The following RANBP2 variants were observed in gnomAD, a reference collection of about 807,000 sequenced individuals.
RANBP2 encodes E3 SUMO-protein ligase RanBP2.
In RANBP2, 57 loss-of-function variants were observed where a neutral mutation model predicts 303.6. The observed-to-expected ratio is 0.19, with a 90% confidence interval of 0.15 to 0.23. The LOEUF is 0.23. Ranked by LOEUF, RANBP2 falls within the 10% of genes least tolerant of loss-of-function variation. RANBP2 has a pLI of 1.00. For synonymous variants in RANBP2, 1,167 were observed against 1,301.5 expected, an observed-to-expected ratio of 0.90 and a Z score of 2.23; for missense variants, 3,138 against 3,780.8, an observed-to-expected ratio of 0.83 and a Z score of 4.46.
the RANBP2 span, among the ~76,000 whole-genome samples, chr2:109,180,783 C>T: frequency 6.6e-6 from 1 of 152,150 alleles, no homozygotes; most frequent in African/African-American, 2.4e-5. Flanking sequence ...GTAAATTGCC[C>T]AGTCTCTGGT....
At chr2:109,296,730 G>A in the RANBP2 span, among the ~76,000 whole-genome samples, 1 of 152,182 alleles carries the variant, frequency 6.6e-6, no homozygotes, top group East Asian at 1.9e-4. Flanking sequence ...TGTGAGGTGA[G>A]GGGAGTGCAG....
chr2:109,271,488 G>A, the RANBP2 span, among the ~76,000 whole-genome samples: 6 of 152,298 alleles, frequency 3.9e-5, no homozygotes, highest in African/African-American at 1.2e-4. Context: ...GTAAATCAAC[G>A]TGAGACTTTG....
At chr2:109,613,096 T>G in the RANBP2 span, 456 of 959,030 alleles carry the variant, frequency 4.8e-4, no homozygotes, top group Non-Finnish European at 6.1e-4. Context: ...CAAACGGCGG[T>G]GAGATCACTC....
chr2:109,062,472 A>T, the RANBP2 span, among the ~76,000 whole-genome samples: 1 of 152,060 alleles, frequency 6.6e-6, no homozygotes, highest in African/African-American at 2.4e-5. Context: ...AAAGTGCATG[A>T]TCTTGTGTGT....
chr2:109,076,320 ATAAC>A, the RANBP2 span, among the ~76,000 whole-genome samples: 1 of 150,884 alleles, frequency 6.6e-6, no homozygotes, highest in Non-Finnish European at 1.5e-5. Flanking sequence ...GGAAAAGTCT[ATAAC>A]TAACATCATA....
At chr2:108,772,367 GAT>G in intron 21 of RANBP2, 120 bp from the exon 22 acceptor site, 1 of 708,264 alleles carries the variant, frequency 1.4e-6, no homozygotes, top group Middle Eastern at 2.5e-4. Context: ...AGGTATTAAA[GAT>G]ATAAAATTGG....
At chr2:109,565,697 G>A in the RANBP2 span, 1 of 1,296,308 alleles carries the variant, frequency 7.7e-7, no homozygotes, top group East Asian at 2.3e-5. Context: ...CCCAAAGAAG[G>A]CATGACAGGT....
the RANBP2 span, among the ~76,000 whole-genome samples, chr2:109,356,026 G>A: frequency 1.3e-5 from 2 of 152,180 alleles, no homozygotes; most frequent in African/African-American, 4.8e-5. Context: ...TATGCTGGTA[G>A]CCCTAACATG....
the RANBP2 span, among the ~76,000 whole-genome samples, chr2:109,650,962 G>C: frequency 6.6e-6 from 1 of 152,162 alleles, no homozygotes; most frequent in Non-Finnish European, 1.5e-5. Flanking sequence ...TTGAGGGACA[G>C]TCCCCAGTGG....
the RANBP2 span, among the ~76,000 whole-genome samples, chr2:109,056,944 G>C: frequency 6.6e-6 from 1 of 152,320 alleles, no homozygotes; most frequent in South Asian, 2.1e-4. Flanking sequence ...GCTGGTAGGA[G>C]GCAGGTGCCT....
chr2:109,048,236 C>G, the RANBP2 span, among the ~76,000 whole-genome samples: 1 of 152,202 alleles, frequency 6.6e-6, no homozygotes, highest in Non-Finnish European at 1.5e-5. Context: ...TTTGCTCTTT[C>G]TTGCTACGTG....
the RANBP2 span, among the ~76,000 whole-genome samples, chr2:109,743,169 G>A: frequency 6.8e-5 from 10 of 147,926 alleles, no homozygotes; most frequent in African/African-American, 2.3e-4. Context: ...TACTTGGGAA[G>A]CTGAGGTGGG....
At chr2:109,197,706 C>T in the RANBP2 span, among the ~76,000 whole-genome samples, 5 of 152,310 alleles carry the variant, frequency 3.3e-5, no homozygotes, top group South Asian at 2.1e-4. Flanking sequence ...CCAGTAGGGC[C>T]GGGTGTGTGC....
the RANBP2 span, among the ~76,000 whole-genome samples, chr2:109,573,697 C>G: frequency 1.3e-5 from 2 of 152,122 alleles, no homozygotes; most frequent in African/African-American, 4.8e-5. Context: ...TTTCGCATAC[C>G]ATTTGAGATT....
the RANBP2 span, chr2:109,732,605 T>C: frequency 2.4e-6 from 1 of 409,882 alleles, no homozygotes; most frequent in East Asian, 6.6e-5. Flanking sequence ...GCCTCTCGAG[T>C]AGCTGGGACT....
chr2:109,337,664 A>C, the RANBP2 span, among the ~76,000 whole-genome samples: 1 of 151,582 alleles, frequency 6.6e-6, no homozygotes, highest in Non-Finnish European at 1.5e-5. Context: ...GCTGTGCCAT[A>C]TGCTATCAGC....
the RANBP2 span, among the ~76,000 whole-genome samples, chr2:109,058,922 A>G: frequency 1.3e-5 from 2 of 152,180 alleles, no homozygotes; most frequent in South Asian, 2.1e-4. Flanking sequence ...CACAGTTCAC[A>G]TGGACAGTGA....
chr2:108,929,439 C>T, the RANBP2 span: 17,954 of 1,557,476 alleles, frequency 0.012, 158 homozygotes, highest in East Asian at 0.031. Flanking sequence ...CATACGGACT[C>T]GGCCCACAGT....
the RANBP2 span, among the ~76,000 whole-genome samples, chr2:108,862,077 G>GTTTTTTTT: frequency 1.4e-5 from 2 of 141,386 alleles, no homozygotes; most frequent in African/African-American, 2.6e-5. Flanking sequence ...TATGATTTCA[G>GTTTTTTTT]TTTTTTTTTT....
Sources: allele counts gnomAD v4.1 joint callset (sites outside exome capture counted in the v4.1 genomes callset), GRCh38; gene constraint gnomAD v4.1.1; transcripts MANE v1.5; gene names NCBI Gene and HGNC (gene_info 2026-07-23, HGNC 2026-07-21).